NELL2: variants seen among roughly 807,000 people sequenced by gnomAD.
NELL2 encodes neural EGFL like 2.
NELL2 carries 41 observed loss-of-function variants against 109.6 expected under a neutral mutation model. That is an observed-to-expected ratio of 0.37 (90% CI 0.29 to 0.49). The LOEUF is 0.49. Ranked by LOEUF, NELL2 falls within the 20% of genes least tolerant of loss-of-function variation. NELL2 has a pLI of 0.98. For missense variants in NELL2, 900 were observed against 1,008.3 expected (o/e 0.89, Z 1.45); for synonymous variants, 355 against 344.7 (o/e 1.03, Z -0.33).
intron 19 of NELL2, among the ~76,000 whole-genome samples, chr12:44,511,602 C>G (rs1308089050): frequency 6.6e-6 from 1 of 152,124 alleles, no homozygotes; most frequent in Non-Finnish European, 1.5e-5. Flanking sequence ...AATCAGTAAA[C>G]AAACTCCTTT....
At chr12:44,709,241 A>C (rs622349) in intron 11 of NELL2, among the ~76,000 whole-genome samples, 151,339 of 152,202 alleles carry the variant, frequency 0.99, 75,244 homozygotes, top group Middle Eastern at 1. Context: ...GAGTGCTTTG[A>C]CCAATTGCAT....
At chr12:44,875,439 C>A in intron 1 of NELL2, 86 bp from the exon 2 acceptor site, 2 of 1,613,872 alleles carry the variant, frequency 1.2e-6, no homozygotes. Context: ...CAAAGAACCG[C>A]GTTTTCGCGA....
chr12:44,845,591 AG>A (rs1459985301), intron 2 of NELL2, among the ~76,000 whole-genome samples: 2 of 152,212 alleles, frequency 1.3e-5, no homozygotes, highest in Non-Finnish European at 2.9e-5. Flanking sequence ...TTGATTACAG[AG>A]AAGCTGGGGT....
chr12:44,596,188 T>C (rs903852192), intron 15 of NELL2, among the ~76,000 whole-genome samples: 3 of 152,230 alleles, frequency 2.0e-5, no homozygotes, highest in Non-Finnish European at 4.4e-5. Flanking sequence ...TGCATCTTCA[T>C]ACACATCATG....
At chr12:44,602,079 G>A (rs1450642872) in intron 15 of NELL2, among the ~76,000 whole-genome samples, 3 of 152,140 alleles carry the variant, frequency 2.0e-5, no homozygotes, top group African/African-American at 7.2e-5. Context: ...AAAGCCTTTG[G>A]TGAGAGTGCT....
At chr12:44,797,800 A>C (rs1468606433) in intron 3 of NELL2, among the ~76,000 whole-genome samples, 2 of 148,802 alleles carry the variant, frequency 1.3e-5, no homozygotes, top group Non-Finnish European at 3.0e-5. Context: ...ATTCTTTGAC[A>C]AATTTTTATT....
chr12:44,528,143 T>C (rs1941887793), intron 16 of NELL2, among the ~76,000 whole-genome samples: 1 of 136,462 alleles, frequency 7.3e-6, no homozygotes, highest in Non-Finnish European at 1.6e-5. Flanking sequence ...CTTCAGAGCA[T>C]GTTGTACTCT....
rs189075344 is a variant in NELL2, at chr12:44,519,539, A to C, written c.2400+466T>G. 2.5e-3 allele frequency among the ~76,000 whole-genome samples: 382 copies of C among 152,348 alleles called. 1 individual carries two copies. Among genetic ancestry groups the C allele is most frequent in the African/African-American group, 8.6e-3 (358 of 41,590 alleles). On this transcript the variant is annotated intron_variant, in intron 19 of 19. Coordinates refer to ENST00000429094, the MANE Select transcript of NELL2 (RefSeq NM_001145108.2). ...TCAATGTAACTGACCACAACAAACC[A>C]AGAAATATGCCCATCTTTGCCATAT...
rs1942360873 is a variant in NELL2, at chr12:44,790,987, T to A, written c.336-10965A>T. On this transcript the variant is annotated intron_variant, in intron 3 of 19. Transcript: ENST00000429094. ...TCACAATCCTGAACATATATGCACC[T>A]AACACTGGAGCTCCCAAATTTATAA... is the stretch of plus-strand genomic sequence containing the variant. Among the ~76,000 whole-genome samples, 3 of 144,252 alleles carry A rather than the reference T, an allele frequency of 2.1e-5. No individual in the cohort carries two copies. The South Asian group carries it at 6.7e-4, about 32-fold the overall frequency. 94.6% of individuals were successfully genotyped at this position (144,252 alleles called of 152,430 possible). A position where few individuals can be genotyped will look rare whatever the true frequency, so the allele number is the denominator to read the frequency against.
intron 2 of NELL2, among the ~76,000 whole-genome samples, chr12:44,858,652 T>C (rs1288800177): frequency 1.3e-5 from 2 of 152,202 alleles, no homozygotes; most frequent in Non-Finnish European, 2.9e-5. Flanking sequence ...ACAACAACAG[T>C]ATTCACCAAT....
chr12:44,761,236 C>T (rs12303497), intron 9 of NELL2, among the ~76,000 whole-genome samples: 62,062 of 151,810 alleles, frequency 0.41, 13,341 homozygotes, highest in Non-Finnish European at 0.48. Flanking sequence ...TGCTGCATGC[C>T]GGTAATCCCA....
At chr12:44,577,434 T>A (rs1238927904) in intron 15 of NELL2, among the ~76,000 whole-genome samples, 1 of 148,272 alleles carries the variant, frequency 6.7e-6, no homozygotes, top group African/African-American at 2.5e-5. Context: ...TCATTGTAGA[T>A]TCTGGATATT....
At chr12:44,647,353 G>C (rs1005785394) in intron 13 of NELL2, among the ~76,000 whole-genome samples, 1 of 152,114 alleles carries the variant, frequency 6.6e-6, no homozygotes, top group African/African-American at 2.4e-5. Flanking sequence ...TTTGAATAAG[G>C]GTTCCTCCAC....
chr12:44,557,816 G>A (rs773825958), intron 15 of NELL2, among the ~76,000 whole-genome samples: 2 of 152,104 alleles, frequency 1.3e-5, no homozygotes, highest in Non-Finnish European at 2.9e-5. Context: ...GAGAAAACAA[G>A]ACTGAAAAAG....
chr12:44,769,867 A>G lies in NELL2; in HGVS notation c.994+4880T>C, dbSNP rs536288614. Among the ~76,000 whole-genome samples, 19 of 152,308 alleles carry G rather than the reference A, an allele frequency of 1.2e-4. No homozygotes were observed. In the East Asian group the frequency reaches 3.5e-3, roughly 28 times the overall value. ...TTGACCCGCATCAGAAATATGGATG[A>G]GCCTCACAAAGGTGATTCTGAGTAC... On this transcript the variant is annotated intron_variant, in intron 9 of 19. Coordinates refer to ENST00000429094, the MANE Select transcript of NELL2 (RefSeq NM_001145108.2).
intron 19 of NELL2, among the ~76,000 whole-genome samples, chr12:44,515,668 G>T (rs1233223797): frequency 2.0e-5 from 3 of 151,826 alleles, no homozygotes; most frequent in African/African-American, 7.2e-5. Context: ...CTGAAACTCA[G>T]TCTGACTACT....
intron 9 of NELL2, among the ~76,000 whole-genome samples, chr12:44,740,798 A>G (rs940216491): frequency 1.3e-5 from 2 of 152,172 alleles, no homozygotes. Context: ...TGAATTTTAG[A>G]AAGAGGCAGG....
chr12:44,570,594 A>G (rs1943829833), intron 15 of NELL2, among the ~76,000 whole-genome samples: 1 of 152,214 alleles, frequency 6.6e-6, no homozygotes. Context: ...GTCAATGCCC[A>G]TTAAAATATA....
At position 44,757,917 on chromosome 12, in the gene NELL2, T is replaced by C. The variant is rs115133942; in HGVS notation, c.994+16830A>G. On this transcript the variant is annotated intron_variant, in intron 9 of 19. Transcript: ENST00000429094. ...ATTATAATTTTGATAGATGATCCAG[T>C]AGCACTGTGGGAACTGGGTTGAAAA... is the stretch of plus-strand genomic sequence containing the variant. Among the ~76,000 whole-genome samples the C allele has an allele frequency of 2.6e-3, 391 of 152,186 alleles. 1 individual carries two copies. Among genetic ancestry groups the C allele is most frequent in the African/African-American group, 9.1e-3 (377 of 41,526 alleles).
Sources: gnomAD v4.1 joint callset for allele counts (sites outside exome capture counted in the v4.1 genomes callset) on GRCh38, gnomAD v4.1.1 for gene constraint, MANE v1.5 for transcripts, NCBI Gene and HGNC (gene_info 2026-07-23, HGNC 2026-07-21) for gene names.